The following EYA3 variants were observed in gnomAD, a reference collection of about 807,000 sequenced individuals.
EYA3 encodes protein phosphatase EYA3.
In EYA3, 39 loss-of-function variants were observed where a neutral mutation model predicts 80.0. That is an observed-to-expected ratio of 0.49 (90% CI 0.38 to 0.64). The LOEUF (loss-of-function observed/expected upper bound fraction) is 0.64, where lower values mean the gene tolerates loss of function less well. Among genes scored for constraint, EYA3 ranks in the 30% least tolerant of loss-of-function variants. EYA3 has a pLI of 0.00. For missense variants in EYA3, 523 were observed against 676.1 expected, an observed-to-expected ratio of 0.77 and a Z score of 2.51; for synonymous variants, 206 against 232.8, an observed-to-expected ratio of 0.88 and a Z score of 1.05.
At chr1:28,002,983 G>A (rs1033025644) in intron 11 of EYA3, among the ~76,000 whole-genome samples, 19 of 151,590 alleles carry the variant, frequency 1.3e-4, no homozygotes, top group South Asian at 6.3e-4. Context: ...AGGGCTGGGC[G>A]CAGTGGCTCA....
intron 6 of EYA3, among the ~76,000 whole-genome samples, chr1:28,031,118 G>A (rs1435432120): frequency 6.6e-6 from 1 of 152,152 alleles, no homozygotes; most frequent in East Asian, 1.9e-4. Context: ...TCCAAAATAA[G>A]TAGGAGATAG....
chr1:27,985,256 A>AAAAAAC (rs1290041269), intron 16 of EYA3, among the ~76,000 whole-genome samples: 1 of 131,096 alleles, frequency 7.6e-6, no homozygotes, highest in South Asian at 2.7e-4. Flanking sequence ...TAAAAAACAA[A>AAAAAAC]AAAAACAAAA....
chr1:28,057,855 C>G, intron 2 of EYA3, 139 bp downstream of exon 2: 1 of 507,560 alleles, frequency 2.0e-6, no homozygotes. Flanking sequence ...AAAAATATAA[C>G]ATTGTTTTCT....
At chr1:28,000,167 C>G in intron 11 of EYA3, 118 bp from the exon 12 acceptor site, 1 of 565,072 alleles carries the variant, frequency 1.8e-6, no homozygotes. Flanking sequence ...AACTGTGCTT[C>G]AAACTATCAT....
At position 28,004,389 on chromosome 1, in the gene EYA3, T is replaced by C. The variant is rs780790292; in HGVS notation, c.940A>G (p.Ile314Val). The change falls in exon 11 of 18, where the codon ATC becomes GTC. Residue 314 changes from isoleucine to valine, a missense_variant. Ile to Val is a conservative substitution (Grantham distance 29, BLOSUM62 3). Coordinates refer to ENST00000373871, the MANE Select transcript of EYA3 (RefSeq NM_001990.4). ...RVFLWDLDET[I>V]IIFHSLLTGS... ...GTAAGAAGTGAGTGGAAGATGATGA[T>C]GGTTTCATCCAAGTCCCACAGAAAT... 2 of 1,608,810 alleles carry C rather than the reference T, an allele frequency of 1.2e-6. No individual in the cohort carries two copies. The highest frequency in any genetic ancestry group is 2.2e-5 in the East Asian group (1 of 44,812).
At chr1:28,046,111 G>C (rs1643995390) in intron 3 of EYA3, among the ~76,000 whole-genome samples, 1 of 152,170 alleles carries the variant, frequency 6.6e-6, no homozygotes, top group Non-Finnish European at 1.5e-5. Flanking sequence ...GGGGAGTGGA[G>C]AATATTGTTT....
At chr1:28,018,056 A>G (rs924189849) in intron 7 of EYA3, among the ~76,000 whole-genome samples, 2 of 151,918 alleles carry the variant, frequency 1.3e-5, no homozygotes, top group African/African-American at 4.8e-5. Context: ...TGAACTGGGT[A>G]TGGTGGGCAC....
At chr1:28,065,322 G>A (rs1644793765) in intron 1 of EYA3, among the ~76,000 whole-genome samples, 1 of 152,040 alleles carries the variant, frequency 6.6e-6, no homozygotes, top group African/African-American at 2.4e-5. Flanking sequence ...CACCAGGCTG[G>A]AGTGCAGTGG....
chr1:27,994,234 T>A (rs1381919425), intron 13 of EYA3, among the ~76,000 whole-genome samples: 1 of 152,168 alleles, frequency 6.6e-6, no homozygotes, highest in Non-Finnish European at 1.5e-5. Flanking sequence ...AGCTGTCACG[T>A]GAGAACATTC....
In EYA3 at chr1:27,989,896, A is replaced by T. The variant is rs72656569; in HGVS notation, c.1304-85T>A. On this transcript the variant is annotated intron_variant, in intron 14 of 17. Transcript: ENST00000373871. ...AAAGCAACTTCTAAATTCAATTTAA[A>T]AAGTGTGAGTCACTGAAATATTCTA... 8.0e-3 allele frequency: 5,529 copies of T among 693,726 alleles called. 32 individuals carry two copies. Among genetic ancestry groups the T allele is most frequent in the African/African-American group, 0.017 (941 of 55,192 alleles). 43.0% of individuals were successfully genotyped at this position (693,726 alleles called of 1,614,324 possible).
intron 3 of EYA3, among the ~76,000 whole-genome samples, chr1:28,046,510 AG>A (rs1350689770): frequency 1.3e-5 from 2 of 152,070 alleles, no homozygotes; most frequent in East Asian, 1.9e-4. Context: ...ATAGCAGGAA[AG>A]GGAGGGAAAA....
Position 28,035,652 on chromosome 1 carries a change from C to A in EYA3, c.253G>T (p.Val85Phe), listed in dbSNP as rs1412528045. 1.9e-6 allele frequency: 3 copies of A among 1,613,982 alleles called. No homozygotes were observed. The highest frequency in any genetic ancestry group is 2.5e-6 in the Non-Finnish European group (3 of 1,179,976). ...KPYAHILSVP[V>F]SETAYPGQTQ... Reference sequence around the variant, plus strand: ...TGTCCAGGGTAAGCAGTTTCCGAAACAGGAACTGAGAGAATATGTGCATAA... The same window carrying A: ...TGTCCAGGGTAAGCAGTTTCCGAAAAAGGAACTGAGAGAATATGTGCATAA... The change falls in exon 6 of 18, where the codon GTT (valine) becomes TTT (phenylalanine). Residue 85 changes from valine (V) to phenylalanine (F), a missense_variant. Physicochemically the swap from Val to Phe is conservative, Grantham distance 50. Around this residue, in one of 2 missense-constraint regions of EYA3, gnomAD observed 304 missense variants for 343.3 expected, o/e 0.89. Coordinates refer to ENST00000373871, the MANE Select transcript of EYA3 (RefSeq NM_001990.4).
chr1:28,035,065 A>C (rs1436483854), intron 6 of EYA3, among the ~76,000 whole-genome samples: 1 of 152,184 alleles, frequency 6.6e-6, no homozygotes, highest in Non-Finnish European at 1.5e-5. Flanking sequence ...CCGGTATTCT[A>C]AAATGACTTT....
intron 12 of EYA3, among the ~76,000 whole-genome samples, chr1:27,999,018 C>G (rs902818244): frequency 1.3e-5 from 2 of 152,200 alleles, no homozygotes; most frequent in African/African-American, 4.8e-5. Context: ...ATCTGCCCGC[C>G]TCGGCCTCCC....
rs956099241 is a variant in EYA3 at position 28,087,399 on chromosome 1, A to G, written c.-69+1125T>C. 2.6e-5 allele frequency among the ~76,000 whole-genome samples: 4 copies of G among 152,362 alleles called. No homozygotes were observed. In the South Asian group the frequency reaches 8.3e-4, roughly 32 times the overall value. ...ATTCTAAGTAATGTACTTCTAAGTAATGTAATTCTAAGTAAAGTCTGGCTA... is the reference window on the plus strand; with the variant it reads ...ATTCTAAGTAATGTACTTCTAAGTAGTGTAATTCTAAGTAAAGTCTGGCTA... On this transcript the variant is annotated intron_variant, in intron 1 of 17. Coordinates refer to ENST00000373871, the MANE Select transcript of EYA3 (RefSeq NM_001990.4).
At chr1:28,061,761 G>A (rs866883407) in intron 1 of EYA3, among the ~76,000 whole-genome samples, 6 of 152,140 alleles carry the variant, frequency 3.9e-5, no homozygotes, top group South Asian at 2.1e-4. Flanking sequence ...CACCACGCCC[G>A]GCTAATTTTT....
chr1:28,050,192 TATTA>T lies in EYA3; in HGVS notation c.34-1770_34-1767del, dbSNP rs1157845608. On this transcript the variant is annotated intron_variant, in intron 2 of 17. Transcript: ENST00000373871. ...ACTTTTTATTTATTATTATTATTATTATTATTATTATTTTTTTTGAGACAGGGTC... is the reference window on the plus strand; with the variant it reads ...ACTTTTTATTTATTATTATTATTATTTTATTATTTTTTTTGAGACAGGGTC... 9.6e-5 allele frequency among the ~76,000 whole-genome samples: 14 copies of T among 145,320 alleles called. 1 individual carries two copies. Among genetic ancestry groups the T allele is most frequent in the Admixed American group, 2.1e-4 (3 of 14,460 alleles).
chr1:27,986,785 C>A (rs549620805), intron 16 of EYA3, among the ~76,000 whole-genome samples: 1 of 152,194 alleles, frequency 6.6e-6, no homozygotes, highest in South Asian at 2.1e-4. Flanking sequence ...TCACTGCAAC[C>A]TCCGCCTCTC....
At position 27,985,982 on chromosome 1, in the gene EYA3, T is replaced by TA. The variant is rs1639628908; in HGVS notation, c.1540+2552dup. 3.9e-5 allele frequency among the ~76,000 whole-genome samples: 6 copies of TA among 152,180 alleles called. No individual in the cohort carries two copies. In the South Asian group the frequency reaches 1.2e-3, roughly 32 times the overall value. ...AGCTAGTAGTAGGGAGGCCAGGACTTAAATCCTTGTCCTTGATGTTTATTT... is the reference window on the plus strand; with the variant it reads ...AGCTAGTAGTAGGGAGGCCAGGACTTAAAATCCTTGTCCTTGATGTTTATTT... On this transcript the variant is annotated intron_variant, in intron 16 of 17. Transcript: ENST00000373871.
Sources: allele counts gnomAD v4.1 joint callset (sites outside exome capture counted in the v4.1 genomes callset), GRCh38; gene constraint gnomAD v4.1.1; regional missense constraint gnomAD v4.1.1; transcripts MANE v1.5; gene names NCBI Gene and HGNC (gene_info 2026-07-23, HGNC 2026-07-21).